MPDZ: variants seen among roughly 807,000 people sequenced by gnomAD.
MPDZ encodes the protein multiple PDZ domain crumbs cell polarity complex component, also known as multiple PDZ domain protein.
Under a neutral mutation model 239.1 loss-of-function variants are expected in MPDZ, and 234 were observed. That is an observed-to-expected ratio of 0.98 (90% CI 0.88 to 1.09). MPDZ has a LOEUF of 1.09. Among genes scored for constraint, MPDZ ranks in the 50% least tolerant of loss-of-function variants. The pLI is 0.00. For synonymous variants in MPDZ, 1,048 were observed against 881.3 expected (o/e 1.19, Z -3.35); for missense variants, 3,175 against 2,510.0 (o/e 1.26, Z -5.66).
At chr9:13,112,981 G>A (rs2131204206) in intron 42 of MPDZ, 30 bp downstream of exon 42, 1 of 1,559,752 alleles carries the variant, frequency 6.4e-7, no homozygotes, top group Non-Finnish European at 8.7e-7. Flanking sequence ...AAAACGCCAG[G>A]GTTTATATTG....
intron 23 of MPDZ, among the ~76,000 whole-genome samples, chr9:13,162,055 A>G (rs1950550456): frequency 1.3e-5 from 2 of 152,170 alleles, no homozygotes; most frequent in Non-Finnish European, 1.5e-5. Context: ...GCTTAAGCTC[A>G]GAAGTTTGAG....
intron 3 of MPDZ, among the ~76,000 whole-genome samples, chr9:13,228,798 T>C (rs1355777505): frequency 6.6e-6 from 1 of 152,170 alleles, no homozygotes; most frequent in Non-Finnish European, 1.5e-5. Context: ...ATCAAAATAT[T>C]TTCATAGAAA....
At chr9:13,269,274 G>A (rs1249367974) in intron 1 of MPDZ, among the ~76,000 whole-genome samples, 2 of 152,176 alleles carry the variant, frequency 1.3e-5, no homozygotes, top group Admixed American at 1.3e-4. Flanking sequence ...TTAGAGGAAA[G>A]AGAAATATGG....
At chr9:13,163,118 C>T (rs755617113) in intron 22 of MPDZ, among the ~76,000 whole-genome samples, 41 of 152,062 alleles carry the variant, frequency 2.7e-4, no homozygotes, top group Non-Finnish European at 5.9e-5. Context: ...TTAGGAAGAT[C>T]TATAAATCCC....
In MPDZ at chr9:13,165,363, T is replaced by A. The variant is rs180878305; in HGVS notation, c.3255-2568A>T. On this transcript the variant is annotated intron_variant, in intron 22 of 46. Transcript: ENST00000319217. ...TAATGAGCTTTCGAATCACTGATAC[T>A]CACACATAAAAGGGGGCTCGATCGT... The A allele has an allele frequency of 6.5e-6, 10 of 1,549,474 alleles. No individual in the cohort carries two copies. In the Admixed American group the frequency reaches 1.8e-4, roughly 27 times the overall value.
chr9:13,147,807 A>T, intron 25 of MPDZ, 149 bp from the exon 26 acceptor site: 1 of 615,500 alleles, frequency 1.6e-6, no homozygotes, highest in Non-Finnish European at 2.8e-6. Context: ...GAAGCTGCAG[A>T]ACTTTCTGTC....
chr9:13,106,072 T>C lies in MPDZ; in HGVS notation c.*893A>G, dbSNP rs1298722779. Reference sequence around the variant, plus strand: ...CTCTGTCATTAAGATTAATATGAATTGAAAACCAATTGCACAGCACACTAA... The same window carrying C: ...CTCTGTCATTAAGATTAATATGAATCGAAAACCAATTGCACAGCACACTAA... On this transcript the variant is annotated 3_prime_UTR_variant, in exon 47 of 47. Transcript: ENST00000319217. The C allele has an allele frequency of 6.6e-6, 1 of 152,172 alleles. No homozygotes were observed. The highest frequency in any genetic ancestry group is 1.5e-5 in the Non-Finnish European group (1 of 68,034). The allele number at this position is 152,172 out of a possible 1,614,324, so 9.4% of individuals were successfully genotyped here.
rs777146222 is a variant in MPDZ at position 13,110,753 on chromosome 9, G to T, written c.5725-13C>A. On this transcript the variant is annotated splice_polypyrimidine_tract_variant and intron_variant, in intron 43 of 46. Coordinates refer to ENST00000319217, the MANE Select transcript of MPDZ (RefSeq NM_001378778.1). ...TCCTATCCCCAACCTGCAAGGGAGA[G>T]AAAGAAACAGCCATCTGCTAAAGCA... 32 of 1,600,898 alleles carry T rather than the reference G, an allele frequency of 2.0e-5. No homozygotes were observed. The Admixed American group carries it at 5.4e-4, about 27-fold the overall frequency.
At chr9:13,187,313 C>A (rs1854910) in intron 17 of MPDZ, among the ~76,000 whole-genome samples, 144,110 of 152,170 alleles carry the variant, frequency 0.95, 68,587 homozygotes, top group East Asian at 1. Context: ...AAAAAGACTG[C>A]TTCTGAATAA....
chr9:13,119,520 C>T lies in MPDZ; in HGVS notation c.5361G>A (p.Ala1787=), dbSNP rs371763273. The T allele has an allele frequency of 8.1e-6, 13 of 1,610,972 alleles. No individual in the cohort carries two copies. Among genetic ancestry groups the T allele is most frequent in the Middle Eastern group, 1.7e-4 (1 of 6,042 alleles). ...GEDVRNATQE[A]VAALLKCSLG... ...TTTTTACCTTTAGCAAAGCGGCAACCGCTTCTTGGGTGGCATTACGAACGT... is the reference window on the plus strand; with the variant it reads ...TTTTTACCTTTAGCAAAGCGGCAACTGCTTCTTGGGTGGCATTACGAACGT... Residue 1787 remains alanine, a synonymous_variant, in exon 39 of 47, where the codon GCG becomes GCA. Transcript: ENST00000319217.
chr9:13,176,109 A>C (rs530285629), intron 20 of MPDZ, 27 bp downstream of exon 20: 4 of 1,540,232 alleles, frequency 2.6e-6, no homozygotes, highest in African/African-American at 2.7e-5. Flanking sequence ...TCATCATAAA[A>C]CACAAACCAT....
chr9:13,256,848 T>C (rs983069343), intron 1 of MPDZ, among the ~76,000 whole-genome samples: 3 of 152,132 alleles, frequency 2.0e-5, no homozygotes, highest in Admixed American at 6.5e-5. Context: ...ATGGCACCAA[T>C]AGACTTGCTT....
intron 24 of MPDZ, among the ~76,000 whole-genome samples, chr9:13,152,779 C>T (rs1331669): frequency 1 from 151,684 of 152,162 alleles, 75,605 homozygotes; most frequent in Middle Eastern, 1. Context: ...CTGTCTTGAA[C>T]ACATTTCCTA....
At chr9:13,191,990 G>T (rs1381255750) in intron 15 of MPDZ, 141 bp downstream of exon 15, 1 of 686,488 alleles carries the variant, frequency 1.5e-6, no homozygotes, top group Non-Finnish European at 2.1e-6. Context: ...ACCCAGATTT[G>T]TCTGACTTTA....
At chr9:13,243,489 A>C (rs1392087092) in intron 3 of MPDZ, among the ~76,000 whole-genome samples, 1 of 151,846 alleles carries the variant, frequency 6.6e-6, no homozygotes. Context: ...TTTACATTTG[A>C]ATCATTCATT....
chr9:13,114,813 T>C (rs1378098627), intron 40 of MPDZ, among the ~76,000 whole-genome samples: 1 of 151,942 alleles, frequency 6.6e-6, no homozygotes, highest in Non-Finnish European at 1.5e-5. Context: ...GACAGAAGAA[T>C]CTACTTCGCC....
intron 1 of MPDZ, chr9:13,279,009 G>C (rs1041756818): frequency 6.6e-6 from 1 of 151,904 alleles, no homozygotes; most frequent in African/African-American, 2.4e-5. Flanking sequence ...CTGGGTCAAG[G>C]AAAAGGAAAA....
chr9:13,272,757 G>C (rs1973294229), intron 1 of MPDZ, among the ~76,000 whole-genome samples: 1 of 151,202 alleles, frequency 6.6e-6, no homozygotes, highest in African/African-American at 2.4e-5. Context: ...TCCAGAAGTG[G>C]ATTCAGGCCT....
intron 1 of MPDZ, among the ~76,000 whole-genome samples, chr9:13,256,642 T>A (rs1969518866): frequency 6.6e-6 from 1 of 152,190 alleles, no homozygotes; most frequent in Non-Finnish European, 1.5e-5. Context: ...AGTTGGAACA[T>A]GTGCAACATT....
Sources: allele counts gnomAD v4.1 joint callset (sites outside exome capture counted in the v4.1 genomes callset), GRCh38; gene constraint gnomAD v4.1.1; transcripts MANE v1.5; gene names NCBI Gene and HGNC (gene_info 2026-07-23, HGNC 2026-07-21).